Variants in GRID1 observed in about 807,000 individuals in gnomAD.
GRID1 encodes the protein glutamate receptor ionotropic, delta-1.
In GRID1, 28 loss-of-function variants were observed where a neutral mutation model predicts 98.0. The observed-to-expected ratio is 0.29, with a 90% confidence interval of 0.21 to 0.39. The LOEUF is 0.39. GRID1 is among the 10% of genes least tolerant of loss of function. The pLI, the probability that GRID1 is intolerant of heterozygous loss-of-function variation, is 1.00. For synonymous variants in GRID1, 553 were observed against 538.5 expected (o/e 1.03, Z -0.37); for missense variants, 1,111 against 1,340.5 (o/e 0.83, Z 2.67).
Position 85,892,796 on chromosome 10 carries a change from C to T in GRID1, c.780+23390G>A, listed in dbSNP as rs72842942. 2.4e-3 allele frequency among the ~76,000 whole-genome samples: 369 copies of T among 152,018 alleles called. 3 individuals carry two copies. Among genetic ancestry groups the T allele is most frequent in the South Asian group, 6.2e-3 (30 of 4,822 alleles). On this transcript the variant is annotated intron_variant, in intron 5 of 15. Coordinates refer to ENST00000327946, the MANE Select transcript of GRID1 (RefSeq NM_017551.3). The stretch of plus-strand genomic sequence containing the variant: ...ACATGCATTTATGGAAGAAAGAATA[C>T]CAATTTTACACAAACACTTTCAGAA...
chr10:86,318,107 G>T (rs1386729211), intron 2 of GRID1, among the ~76,000 whole-genome samples: 1 of 152,090 alleles, frequency 6.6e-6, no homozygotes. Flanking sequence ...AAAGGCCCAG[G>T]TGCTTGGGGA....
intron 8 of GRID1, among the ~76,000 whole-genome samples, chr10:85,803,339 T>A (rs552903612): frequency 1.3e-5 from 2 of 152,178 alleles, no homozygotes; most frequent in African/African-American, 4.8e-5. Context: ...ATCTCATGTA[T>A]CCTATAAATA....
At chr10:85,985,061 G>A (rs1842592676) in intron 4 of GRID1, among the ~76,000 whole-genome samples, 1 of 152,124 alleles carries the variant, frequency 6.6e-6, no homozygotes, top group African/African-American at 2.4e-5. Context: ...CTACCCACTA[G>A]ATGCCAGTAG....
intron 13 of GRID1, among the ~76,000 whole-genome samples, chr10:85,633,881 C>T (rs1056108118): frequency 6.6e-6 from 1 of 152,050 alleles, no homozygotes; most frequent in African/African-American, 2.4e-5. Context: ...TAAAAGTTTA[C>T]TGGTAGAGGG....
Position 85,993,720 on chromosome 10 carries a change from A to T in GRID1, c.727-77481T>A, listed in dbSNP as rs1368533605. Among the ~76,000 whole-genome samples, 3 of 152,360 alleles carry T rather than the reference A, an allele frequency of 2.0e-5. No homozygotes were observed. The East Asian group carries it at 5.8e-4, about 29-fold the overall frequency. On this transcript the variant is annotated intron_variant, in intron 4 of 15. Transcript: ENST00000327946. Reference sequence around the variant, plus strand: ...TTAGCATTTTACTTCATGTGAGCCTATGGCTAATTGCTTTTACATGAATTG... The same window carrying T: ...TTAGCATTTTACTTCATGTGAGCCTTTGGCTAATTGCTTTTACATGAATTG...
chr10:85,879,595 G>A (rs542984367), intron 5 of GRID1, among the ~76,000 whole-genome samples: 2 of 151,826 alleles, frequency 1.3e-5, no homozygotes, highest in Non-Finnish European at 2.9e-5. Context: ...CAAAACATAC[G>A]AGAATCTCTG....
Position 85,611,494 on chromosome 10 carries a change from C to G in GRID1, c.2601+1913G>C, listed in dbSNP as rs73338981. Reference sequence around the variant, plus strand: ...TCCACCTGGAGACCCTCCCCTGCTCCGCTGACACAAGGGGCCTTTGCACAG... The same window carrying G: ...TCCACCTGGAGACCCTCCCCTGCTCGGCTGACACAAGGGGCCTTTGCACAG... On this transcript the variant is annotated intron_variant, in intron 15 of 15. Coordinates refer to ENST00000327946, the MANE Select transcript of GRID1 (RefSeq NM_017551.3). Among the ~76,000 whole-genome samples the G allele has an allele frequency of 3.3e-3, 506 of 152,286 alleles. 5 individuals carry two copies. The highest frequency in any genetic ancestry group is 0.014 in the Middle Eastern group (4 of 294).
At chr10:85,953,737 A>G (rs1157661477) in intron 4 of GRID1, among the ~76,000 whole-genome samples, 3 of 152,224 alleles carry the variant, frequency 2.0e-5, no homozygotes, top group African/African-American at 7.2e-5. Flanking sequence ...TCTGATGTGC[A>G]TGAAGGTACA....
chr10:85,869,391 A>G (rs1843254655), intron 5 of GRID1, among the ~76,000 whole-genome samples: 1 of 152,214 alleles, frequency 6.6e-6, no homozygotes. Flanking sequence ...ATTTTCCCTG[A>G]AGGCTAGAAA....
chr10:86,328,302 G>A (rs1217238347), intron 2 of GRID1, among the ~76,000 whole-genome samples: 2 of 152,210 alleles, frequency 1.3e-5, no homozygotes, highest in Non-Finnish European at 2.9e-5. Context: ...TTCCCTCTGA[G>A]GCAGGAAACG....
chr10:86,178,146 A>G (rs1335411631), intron 3 of GRID1, among the ~76,000 whole-genome samples: 1 of 152,236 alleles, frequency 6.6e-6, no homozygotes, highest in African/African-American at 2.4e-5. Flanking sequence ...TCCCCAAGTG[A>G]CAAAATCTTC....
intron 4 of GRID1, among the ~76,000 whole-genome samples, chr10:86,135,091 T>C (rs1347749696): frequency 1.3e-5 from 2 of 152,184 alleles, no homozygotes; most frequent in Admixed American, 1.3e-4. Context: ...AAGGCCCCTC[T>C]CAGCAGCTGC....
chr10:85,685,362 T>C (rs905853131), intron 12 of GRID1, among the ~76,000 whole-genome samples: 1 of 152,154 alleles, frequency 6.6e-6, no homozygotes, highest in African/African-American at 2.4e-5. Flanking sequence ...TAACACAAGG[T>C]GTCTATATCT....
At chr10:85,990,926 T>C (rs933388194) in intron 4 of GRID1, among the ~76,000 whole-genome samples, 3 of 152,214 alleles carry the variant, frequency 2.0e-5, no homozygotes, top group Non-Finnish European at 4.4e-5. Flanking sequence ...TTAAGGTCAC[T>C]TTTAATCATT....
At position 85,894,882 on chromosome 10, in the gene GRID1, C is replaced by G. The variant is rs562120284; in HGVS notation, c.780+21304G>C. Among the ~76,000 whole-genome samples the G allele has an allele frequency of 3.3e-5, 5 of 151,392 alleles. No individual in the cohort carries two copies. The South Asian group carries it at 1.0e-3, about 32-fold the overall frequency. ...AATTAGCCCGGCATGGTGGTGTGCA[C>G]CTGTAATCCCAGCTATTTGGGAGGC... On this transcript the variant is annotated intron_variant, in intron 5 of 15. Coordinates refer to ENST00000327946, the MANE Select transcript of GRID1 (RefSeq NM_017551.3).
intron 4 of GRID1, among the ~76,000 whole-genome samples, chr10:85,997,988 G>A (rs184418742): frequency 2.6e-5 from 4 of 152,248 alleles, no homozygotes; most frequent in Admixed American, 2.6e-4. Context: ...ATTATCTAAT[G>A]ATAAAGGTTA....
At chr10:86,205,676 A>G (rs965773682) in intron 3 of GRID1, among the ~76,000 whole-genome samples, 3 of 152,234 alleles carry the variant, frequency 2.0e-5, no homozygotes, top group African/African-American at 7.2e-5. Flanking sequence ...TTGTTTAAAC[A>G]CTAAACATGG....
At chr10:85,712,847 A>G (rs949872707) in intron 12 of GRID1, among the ~76,000 whole-genome samples, 1 of 151,338 alleles carries the variant, frequency 6.6e-6, no homozygotes, top group African/African-American at 2.4e-5. Flanking sequence ...ATCAAAAGGG[A>G]TACTAAAAAA....
intron 12 of GRID1, among the ~76,000 whole-genome samples, chr10:85,684,239 A>G (rs1308022558): frequency 2.6e-5 from 4 of 152,366 alleles, no homozygotes; most frequent in Middle Eastern, 3.4e-3. Flanking sequence ...CTTGACAAAT[A>G]TACATGCCCC....
Sources: gnomAD v4.1 joint callset for allele counts (sites outside exome capture counted in the v4.1 genomes callset) on GRCh38, gnomAD v4.1.1 for gene constraint, MANE v1.5 for transcripts, NCBI Gene and HGNC (gene_info 2026-07-23, HGNC 2026-07-21) for gene names.